Variants in TNRC6C observed in about 807,000 individuals in gnomAD.
TNRC6C encodes the protein trinucleotide repeat-containing gene 6C protein.
TNRC6C carries 20 observed loss-of-function variants against 153.7 expected under a neutral mutation model. The ratio of observed to expected loss-of-function variants is 0.13; its 90% CI spans 0.09 to 0.19. The LOEUF (loss-of-function observed/expected upper bound fraction) is 0.19, where lower values mean the gene tolerates loss of function less well. TNRC6C is among the 10% of genes least tolerant of loss of function. The pLI, the probability that TNRC6C is intolerant of heterozygous loss-of-function variation, is 1.00. For synonymous variants in TNRC6C, 811 were observed against 841.4 expected, an observed-to-expected ratio of 0.96 and a Z score of 0.63; for missense variants, 1,987 against 2,172.0, an observed-to-expected ratio of 0.91 and a Z score of 1.69.
intron 3 of TNRC6C, among the ~76,000 whole-genome samples, chr17:78,051,866 G>A (rs760992503): frequency 1.4e-4 from 22 of 152,332 alleles, no homozygotes; most frequent in Admixed American, 1.0e-3. Context: ...TCACTGACAT[G>A]CCCATGAGCA....
chr17:77,991,716 A>G (rs548095164), intron 1 of TNRC6C, among the ~76,000 whole-genome samples: 25 of 152,352 alleles, frequency 1.6e-4, no homozygotes, highest in African/African-American at 5.8e-4. Flanking sequence ...ATATATATAT[A>G]AGAAATTGTT....
intron 3 of TNRC6C, among the ~76,000 whole-genome samples, chr17:78,061,365 CTG>C (rs1477257504): frequency 1.3e-5 from 2 of 152,176 alleles, no homozygotes; most frequent in African/African-American, 2.4e-5. Flanking sequence ...AAATCATTTT[CTG>C]TGTGCTGAAA....
At position 77,971,573 on chromosome 17, in the gene TNRC6C, A is replaced by G. The variant is rs181533505; in HGVS notation, c.-38+12305A>G. 1.2e-4 allele frequency among the ~76,000 whole-genome samples: 18 copies of G among 152,278 alleles called. No homozygotes were observed. In the East Asian group the frequency reaches 3.5e-3, roughly 29 times the overall value. The stretch of plus-strand genomic sequence containing the variant: ...ACTGCACCCCTGTTCTTGCCCCAAA[A>G]TAACCTCAGGAGGTTATTTTGTCTT... On this transcript the variant is annotated intron_variant, in intron 1 of 22. Transcript: ENST00000636222.
At chr17:78,036,745 G>A (rs1010990554) in intron 2 of TNRC6C, among the ~76,000 whole-genome samples, 6 of 151,990 alleles carry the variant, frequency 3.9e-5, no homozygotes, top group East Asian at 1.9e-4. Context: ...CCAACATAGC[G>A]AAACCCCATC....
chr17:77,997,834 T>C (rs1405995042), intron 1 of TNRC6C, among the ~76,000 whole-genome samples: 2 of 151,836 alleles, frequency 1.3e-5, no homozygotes, highest in African/African-American at 4.8e-5. Flanking sequence ...TTTTGTATTT[T>C]TAGTAGAGAC....
At chr17:78,088,805 A>G (rs1052603361) in intron 13 of TNRC6C, among the ~76,000 whole-genome samples, 2 of 151,990 alleles carry the variant, frequency 1.3e-5, no homozygotes, top group African/African-American at 4.8e-5. Context: ...GCACATAGCA[A>G]ACACTTTGTA....
chr17:77,997,526 C>A (rs370975438), intron 1 of TNRC6C, among the ~76,000 whole-genome samples: 1 of 152,162 alleles, frequency 6.6e-6, no homozygotes, highest in Non-Finnish European at 1.5e-5. Flanking sequence ...CTCAATGCCC[C>A]CAACACATAC....
chr17:77,987,868 T>G, intron 1 of TNRC6C, among the ~76,000 whole-genome samples: 1 of 152,188 alleles, frequency 6.6e-6, no homozygotes, highest in South Asian at 2.1e-4. Context: ...TTAGTAGAGA[T>G]GGGGTTTCAC....
intron 3 of TNRC6C, among the ~76,000 whole-genome samples, chr17:78,052,127 G>A (rs958141659): frequency 6.6e-6 from 1 of 152,224 alleles, no homozygotes; most frequent in African/African-American, 2.4e-5. Context: ...AGGAAAGAGC[G>A]CTGCACAGGT....
chr17:77,959,308 A>G (rs1487467852), intron 1 of TNRC6C, 40 bp downstream of exon 1: 1 of 151,640 alleles, frequency 6.6e-6, no homozygotes, highest in Non-Finnish European at 1.5e-5. Context: ...CGCAGCCGCA[A>G]CTTTGCCGGG....
At chr17:78,088,343 C>T (rs2073333666) in intron 13 of TNRC6C, among the ~76,000 whole-genome samples, 1 of 152,118 alleles carries the variant, frequency 6.6e-6, no homozygotes, top group African/African-American at 2.4e-5. Context: ...CCAAGAGGCT[C>T]ACTACTAACT....
At chr17:78,093,003 C>T (rs375979784) in exon 15 of TNRC6C, 382 of 1,613,702 alleles carry the variant, frequency 2.4e-4, no homozygotes, top group Non-Finnish European at 3.1e-4. Flanking sequence ...ATGGCCGGTA[C>T]GATTTAATCC....
At chr17:78,083,559 G>A (rs1444492912) in intron 11 of TNRC6C, among the ~76,000 whole-genome samples, 3 of 152,200 alleles carry the variant, frequency 2.0e-5, no homozygotes, top group African/African-American at 7.2e-5. Flanking sequence ...AATTAGGCAT[G>A]TCTTTTCAGT....
Position 78,026,896 on chromosome 17 carries a change from T to G in TNRC6C, c.-545-4620T>G, listed in dbSNP as rs571172297. 2.0e-5 allele frequency among the ~76,000 whole-genome samples: 3 copies of G among 152,188 alleles called. No individual in the cohort carries two copies. In the South Asian group the frequency reaches 6.2e-4, roughly 32 times the overall value. ...GAGGGATATTTGAGGGTGGAGGGCA[T>G]GTAGGAGCTATTAATAGAAATGACA... On this transcript the variant is annotated intron_variant, in intron 1 of 19. Transcript: ENST00000301624.
Position 78,086,483 on chromosome 17 carries a change from A to G in TNRC6C, c.3478-20A>G. 1 of 1,608,360 alleles carries G rather than the reference A, an allele frequency of 6.2e-7. No homozygotes were observed. Among genetic ancestry groups the G allele is most frequent in the Non-Finnish European group, 8.5e-7 (1 of 1,175,194 alleles). ...TACACTTAATTATCATACTATTTTA[A>G]CTCTTCGTTCTGTCAACAGGCATAC... On this transcript the variant is annotated intron_variant, in intron 11 of 19. Coordinates refer to ENST00000301624, the Ensembl canonical transcript of TNRC6C.
chr17:78,079,712 T>C lies in TNRC6C; in HGVS notation c.3357+171T>C, dbSNP rs192358544. 6.6e-6 allele frequency among the ~76,000 whole-genome samples: 1 copy of C among 152,302 alleles called. No homozygotes were observed. The highest frequency in any genetic ancestry group is 1.5e-5 in the Non-Finnish European group (1 of 68,026). ...AAATTAATTTTAGACTATAAAGTAG[T>C]AAATGGATTCTCCTGACCCAGGAGA... On this transcript the variant is annotated intron_variant, in intron 10 of 19. Coordinates refer to ENST00000301624, the Ensembl canonical transcript of TNRC6C. This position sits in a 1 kb window ranked among gnomAD's most constrained non-coding sequence, Gnocchi z 4.3.
exon 4 of TNRC6C, chr17:78,064,732 C>T: frequency 6.2e-7 from 1 of 1,613,726 alleles, no homozygotes; most frequent in Non-Finnish European, 8.5e-7. Flanking sequence ...TTTCATCAGG[C>T]TGGGGAGAAA....
chr17:78,049,944 A>G lies in TNRC6C; in HGVS notation c.882A>G (p.Gly294=). The G allele has an allele frequency of 1.2e-6, 2 of 1,614,064 alleles. No homozygotes were observed. Among genetic ancestry groups the G allele is most frequent in the Non-Finnish European group, 1.7e-6 (2 of 1,179,900 alleles). The change falls in exon 3 of 20, where the codon GGA becomes GGG. Residue 294 remains glycine (G), a synonymous_variant. Coordinates refer to ENST00000301624, the Ensembl canonical transcript of TNRC6C. The surrounding 1 kb of genome is among the most constrained non-coding windows in gnomAD (Gnocchi z 4.1). ...GTGCTGTGCAAAAGGAAGGAAGTGG[A>G]GGAAATGCTTGGGATTCAGGACCTC...
rs146747247 is a variant in TNRC6C, at chr17:77,987,757, G to A, written c.-37-16413G>A. The stretch of plus-strand genomic sequence containing the variant: ...GGCGCGAGCACCATCTCAGCTCACC[G>A]CAACCTCTGCCTCCCGGGTTCAAGC... On this transcript the variant is annotated intron_variant, in intron 1 of 22. Coordinates refer to the TNRC6C transcript ENST00000636222. Among the ~76,000 whole-genome samples the A allele has an allele frequency of 2.5e-3, 376 of 152,154 alleles. 1 individual carries two copies. The highest frequency in any genetic ancestry group is 8.6e-3 in the African/African-American group (359 of 41,510).
Sources: gnomAD v4.1 joint callset for allele counts (sites outside exome capture counted in the v4.1 genomes callset) on GRCh38, gnomAD v4.1.1 for gene constraint, Gnocchi (gnomAD v3.1) non-coding constraint, MANE v1.5 for transcripts, NCBI Gene and HGNC (gene_info 2026-07-23, HGNC 2026-07-21) for gene names.